ANKRD30B: variants seen among roughly 807,000 people sequenced by gnomAD.
The protein encoded by ANKRD30B is ankyrin repeat domain 30B.
A neutral mutation model predicts 202.2 loss-of-function variants in ANKRD30B; 144 were observed. The ratio of observed to expected loss-of-function variants is 0.71; its 90% CI spans 0.62 to 0.82. The LOEUF is 0.82. ANKRD30B is among the 40% of genes least tolerant of loss of function. The pLI is 0.00. For missense variants in ANKRD30B, 1,487 were observed against 1,669.1 expected, an observed-to-expected ratio of 0.89 and a Z score of 1.90; for synonymous variants, 508 against 561.3, an observed-to-expected ratio of 0.91 and a Z score of 1.34.
chr18:14,923,024 T>C, the ANKRD30B span, among the ~76,000 whole-genome samples: 1 of 152,176 alleles, frequency 6.6e-6, no homozygotes, highest in African/African-American at 2.4e-5. Flanking sequence ...AAAAACCTGC[T>C]GCCTTGAAGG....
the ANKRD30B span, among the ~76,000 whole-genome samples, chr18:14,926,750 C>A: frequency 1.3e-5 from 2 of 152,086 alleles, no homozygotes; most frequent in Non-Finnish European, 2.9e-5. Flanking sequence ...AATACTAGGA[C>A]CCCATCTCTA....
chr18:14,914,007 C>T, the ANKRD30B span, among the ~76,000 whole-genome samples: 1 of 152,190 alleles, frequency 6.6e-6, no homozygotes, highest in Non-Finnish European at 1.5e-5. Context: ...GGTAATTTGT[C>T]CAAAGTACTG....
intron 20 of ANKRD30B, 72 bp from the exon 21 acceptor site, chr18:14,799,029 A>G (rs1206923808): frequency 8.1e-6 from 11 of 1,363,724 alleles, no homozygotes; most frequent in African/African-American, 1.4e-5. Context: ...CTTCATATTC[A>G]CACTCTATGA....
chr18:14,864,515 T>C, the ANKRD30B span, among the ~76,000 whole-genome samples: 1 of 152,022 alleles, frequency 6.6e-6, no homozygotes, highest in African/African-American at 2.4e-5. Flanking sequence ...CCCAAAACTT[T>C]TTCCCCACCA....
chr18:14,765,690 A>G (rs1916011549), intron 7 of ANKRD30B, among the ~76,000 whole-genome samples: 1 of 152,158 alleles, frequency 6.6e-6, no homozygotes, highest in South Asian at 2.1e-4. Context: ...GATGGAGGGT[A>G]ATTACATAAA....
intron 16 of ANKRD30B, among the ~76,000 whole-genome samples, chr18:14,793,419 A>T (rs1239516042): frequency 6.6e-6 from 1 of 152,062 alleles, no homozygotes; most frequent in African/African-American, 2.4e-5. Context: ...TTTTGCATTT[A>T]TTTTCTCAGT....
chr18:14,753,094 G>A (rs1313383755), intron 3 of ANKRD30B, 82 bp downstream of exon 3: 4 of 1,112,500 alleles, frequency 3.6e-6, no homozygotes, highest in Non-Finnish European at 3.6e-6. Context: ...TTTATATTTG[G>A]AAACACAAAC....
chr18:14,926,792 T>C, the ANKRD30B span, among the ~76,000 whole-genome samples: 1 of 151,996 alleles, frequency 6.6e-6, no homozygotes, highest in Non-Finnish European at 1.5e-5. Context: ...GTCAGGGTAG[T>C]GGCGCGAGCC....
chr18:14,872,968 T>C, the ANKRD30B span, among the ~76,000 whole-genome samples: 1 of 152,126 alleles, frequency 6.6e-6, no homozygotes, highest in Non-Finnish European at 1.5e-5. Context: ...CTTCCTTTGA[T>C]GCCGTTTTGA....
intron 20 of ANKRD30B, among the ~76,000 whole-genome samples, 182 bp downstream of exon 20, chr18:14,798,036 G>A (rs1426943907): frequency 2.6e-5 from 4 of 152,112 alleles, no homozygotes; most frequent in Non-Finnish European, 5.9e-5. Flanking sequence ...AAGATTTAGA[G>A]ATAAAAAAAT....
chr18:14,866,445 C>T, the ANKRD30B span, among the ~76,000 whole-genome samples: 13 of 152,080 alleles, frequency 8.5e-5, no homozygotes, highest in East Asian at 1.9e-4. Flanking sequence ...GCAGCCGGGG[C>T]GGTAGGAGTG....
chr18:14,880,658 T>C, the ANKRD30B span, among the ~76,000 whole-genome samples: 8 of 149,128 alleles, frequency 5.4e-5, no homozygotes, highest in African/African-American at 9.8e-5. Context: ...TTCTGCCTAC[T>C]GGGTTCAAGT....
chr18:14,901,688 T>C, the ANKRD30B span, among the ~76,000 whole-genome samples: 25 of 152,146 alleles, frequency 1.6e-4, no homozygotes, highest in Non-Finnish European at 4.4e-5. Flanking sequence ...AAACTATTCG[T>C]GGGTATTTGT....
intron 34 of ANKRD30B, among the ~76,000 whole-genome samples, chr18:14,832,613 T>G (rs1971001840): frequency 6.6e-6 from 1 of 152,204 alleles, no homozygotes; most frequent in Non-Finnish European, 1.5e-5. Flanking sequence ...AAAAAGCATT[T>G]TAAGCGGTTT....
the ANKRD30B span, among the ~76,000 whole-genome samples, chr18:14,884,641 C>T: frequency 6.6e-6 from 1 of 151,862 alleles, no homozygotes; most frequent in Non-Finnish European, 1.5e-5. Flanking sequence ...GAAAATGCAA[C>T]CACATGAAAA....
intron 3 of ANKRD30B, among the ~76,000 whole-genome samples, chr18:14,754,171 G>T (rs973961811): frequency 2.6e-5 from 4 of 152,116 alleles, no homozygotes; most frequent in Non-Finnish European, 5.9e-5. Flanking sequence ...CACTTCCTTA[G>T]TGACCCATTT....
At chr18:14,866,241 G>A in the ANKRD30B span, among the ~76,000 whole-genome samples, 10 of 152,234 alleles carry the variant, frequency 6.6e-5, no homozygotes. Context: ...CAGGAGAAGG[G>A]GGAGCTGGAG....
chr18:14,769,267 C>T (rs1916726062), intron 7 of ANKRD30B, 76 bp from the exon 8 acceptor site: 1 of 1,188,400 alleles, frequency 8.4e-7, no homozygotes, highest in South Asian at 1.5e-5. Context: ...CCATCGTGCC[C>T]TCTTACGTTG....
chr18:14,773,800 C>T (rs1011439455), intron 9 of ANKRD30B, among the ~76,000 whole-genome samples: 2 of 151,860 alleles, frequency 1.3e-5, no homozygotes, highest in African/African-American at 2.4e-5. Flanking sequence ...GGACTACAGG[C>T]GCATGCCACA....
Sources: allele counts gnomAD v4.1 joint callset (sites outside exome capture counted in the v4.1 genomes callset), GRCh38; gene constraint gnomAD v4.1.1; transcripts MANE v1.5; gene names NCBI Gene and HGNC (gene_info 2026-07-23, HGNC 2026-07-21).